The following HEATR5B variants were observed in gnomAD, a reference collection of about 807,000 sequenced individuals.
The protein encoded by HEATR5B is HEAT repeat containing 5B.
Under a neutral mutation model 224.1 loss-of-function variants are expected in HEATR5B, and 156 were observed. The observed-to-expected ratio is 0.70, with a 90% CI of 0.61 to 0.80. The LOEUF is 0.80. Ranked by LOEUF, HEATR5B falls within the 30% of genes least tolerant of loss-of-function variation. HEATR5B has a pLI of 0.00. For synonymous variants in HEATR5B, 1,027 were observed against 893.0 expected (o/e 1.15, Z -2.68); for missense variants, 2,323 against 2,535.5 (o/e 0.92, Z 1.80).
At chr2:37,024,328 C>T (rs558163289) in intron 24 of HEATR5B, among the ~76,000 whole-genome samples, 19 of 152,246 alleles carry the variant, frequency 1.2e-4, no homozygotes, top group African/African-American at 2.9e-4. Flanking sequence ...CTCTATAGCA[C>T]GGTGACTATA....
chr2:37,056,843 T>A (rs1670941482), intron 15 of HEATR5B, among the ~76,000 whole-genome samples: 1 of 152,178 alleles, frequency 6.6e-6, no homozygotes, highest in South Asian at 2.1e-4. Context: ...GAAAACATAT[T>A]TACACCACCC....
Position 37,041,189 on chromosome 2 carries a change from T to C in HEATR5B, c.2800A>G (p.Thr934Ala), listed in dbSNP as rs763940006. ...AGAGCCAATAAAATGCTGACACTGG[T>C]CTTCAGATGTTGTCCTGAGCCTATT... is the stretch of plus-strand genomic sequence containing the variant. ...GGIGSGQHLK[T>A]SVSILLALAQ... Residue 934 changes from threonine to alanine, a missense_variant, in exon 19 of 36, where the codon ACC becomes GCC. Physicochemically the swap from Thr to Ala is moderately conservative, Grantham distance 58 (BLOSUM62 0). Coordinates refer to ENST00000233099, the MANE Select transcript of HEATR5B (RefSeq NM_019024.3). The C allele has an allele frequency of 1.2e-6, 2 of 1,614,094 alleles. No individual in the cohort carries two copies. The highest frequency in any genetic ancestry group is 2.2e-5 in the South Asian group (2 of 91,082).
intron 35 of HEATR5B, among the ~76,000 whole-genome samples, chr2:36,983,834 T>C (rs2148311759): frequency 6.6e-6 from 1 of 152,178 alleles, no homozygotes; most frequent in African/African-American, 2.4e-5. Flanking sequence ...GCTTGCTAAA[T>C]TGGAAGAGGT....
In HEATR5B at chr2:37,000,640, A is replaced by C. The variant is rs1459948185; in HGVS notation, c.5491T>G (p.Trp1831Gly). Residue 1831 changes from tryptophan to glycine, a missense_variant, in exon 33 of 36, where the codon TGG becomes GGG. Around this residue, in one of 12 missense-constraint regions of HEATR5B, gnomAD observed 844 missense variants for 812.9 expected, o/e 1.04. Coordinates refer to ENST00000233099, the MANE Select transcript of HEATR5B (RefSeq NM_019024.3). ...AGCGTGCTACGAATCAGAGCTGTCC[A>C]CTGTTTTTGAACGCCAGCCTCAGTT... ...AKTEAGVQKQ[W>G]TALIRSTLAC... is the part of the protein sequence containing the mutation. 11 of 1,614,084 alleles carry C rather than the reference A, an allele frequency of 6.8e-6. No homozygotes were observed. The highest frequency in any genetic ancestry group is 9.3e-6 in the Non-Finnish European group (11 of 1,180,034).
chr2:37,044,789 T>C (rs1284412065), intron 18 of HEATR5B, among the ~76,000 whole-genome samples: 1 of 152,230 alleles, frequency 6.6e-6, no homozygotes, highest in African/African-American at 2.4e-5. Context: ...GTTACACAGC[T>C]TGATATTGGT....
chr2:37,048,672 T>A (rs774121932), intron 18 of HEATR5B, among the ~76,000 whole-genome samples: 55 of 152,132 alleles, frequency 3.6e-4, no homozygotes, highest in Non-Finnish European at 5.4e-4. Flanking sequence ...TGGCAAATAT[T>A]TGGAAAGAGG....
intron 33 of HEATR5B, among the ~76,000 whole-genome samples, chr2:36,992,678 G>A (rs1035277039): frequency 3.3e-5 from 5 of 152,084 alleles, no homozygotes; most frequent in African/African-American, 1.2e-4. Context: ...CTTACTCAGA[G>A]TTGGCAATGC....
At chr2:37,015,102 C>T (rs1039440147) in intron 26 of HEATR5B, among the ~76,000 whole-genome samples, 2 of 151,984 alleles carry the variant, frequency 1.3e-5, no homozygotes, top group Non-Finnish European at 2.9e-5. Flanking sequence ...TAAAAACAGA[C>T]AAGGGAAAGA....
At chr2:37,021,624 C>T (rs1485753321) in intron 24 of HEATR5B, among the ~76,000 whole-genome samples, 1 of 152,068 alleles carries the variant, frequency 6.6e-6, no homozygotes, top group Non-Finnish European at 1.5e-5. Context: ...CGAAGTGGCT[C>T]AGCCTGTAAA....
intron 11 of HEATR5B, among the ~76,000 whole-genome samples, chr2:37,061,057 C>G (rs1224103326): frequency 6.6e-6 from 1 of 152,164 alleles, no homozygotes; most frequent in African/African-American, 2.4e-5. Flanking sequence ...TGGTGGATTG[C>G]ATATTATCAA....
At chr2:37,059,599 G>A (rs1671151685) in intron 12 of HEATR5B, among the ~76,000 whole-genome samples, 1 of 150,544 alleles carries the variant, frequency 6.6e-6, no homozygotes, top group Non-Finnish European at 1.5e-5. Context: ...GAGTAGCTGG[G>A]ACTACAGGCA....
At chr2:37,053,796 A>C (rs1175219441) in intron 16 of HEATR5B, among the ~76,000 whole-genome samples, 189 bp from the exon 17 acceptor site, 1 of 152,142 alleles carries the variant, frequency 6.6e-6, no homozygotes, top group Non-Finnish European at 1.5e-5. Flanking sequence ...ACATGCGGTT[A>C]TTAAATGGAA....
At chr2:37,024,568 T>A (rs1185911020) in intron 24 of HEATR5B, among the ~76,000 whole-genome samples, 2 of 152,282 alleles carry the variant, frequency 1.3e-5, no homozygotes, top group East Asian at 1.9e-4. Flanking sequence ...GTAATTATGT[T>A]ATATGTATTT....
intron 5 of HEATR5B, among the ~76,000 whole-genome samples, chr2:37,074,694 A>G (rs1228683652): frequency 1.3e-5 from 2 of 152,234 alleles, no homozygotes; most frequent in African/African-American, 4.8e-5. Flanking sequence ...AACACTCTCA[A>G]AAGTCAATAA....
chr2:37,008,942 G>A, intron 27 of HEATR5B, 94 bp from the exon 28 acceptor site: 1 of 851,594 alleles, frequency 1.2e-6, no homozygotes, highest in Non-Finnish European at 1.9e-6. Flanking sequence ...AATCATCAAA[G>A]ATAACTGGGT....
intron 6 of HEATR5B, among the ~76,000 whole-genome samples, chr2:37,071,392 T>G (rs1039037972): frequency 6.6e-6 from 1 of 151,976 alleles, no homozygotes; most frequent in African/African-American, 2.4e-5. Flanking sequence ...AAAGCAAGAG[T>G]AATTTGAAAA....
chr2:37,067,841 C>T (rs1279911826), intron 8 of HEATR5B, among the ~76,000 whole-genome samples: 2 of 152,042 alleles, frequency 1.3e-5, no homozygotes, highest in Admixed American at 6.6e-5. Flanking sequence ...ACAAAAACTA[C>T]AACTATTTAT....
At chr2:37,012,187 C>T (rs190299560) in intron 27 of HEATR5B, among the ~76,000 whole-genome samples, 120 of 152,184 alleles carry the variant, frequency 7.9e-4, no homozygotes, top group Non-Finnish European at 1.5e-3. Context: ...CAGTTTTTTA[C>T]CTAATGTGTG....
Position 37,008,639 on chromosome 2 carries a change from G to T in HEATR5B, c.4494C>A (p.Ala1498=). 2 of 1,613,636 alleles carry T rather than the reference G, an allele frequency of 1.2e-6. No individual in the cohort carries two copies. The highest frequency in any genetic ancestry group is 1.7e-6 in the Non-Finnish European group (2 of 1,179,586). The change falls in exon 28 of 36, where the codon GCC becomes GCA. Residue 1498 remains alanine (A), a synonymous_variant. Coordinates refer to ENST00000233099, the MANE Select transcript of HEATR5B (RefSeq NM_019024.3). ...LKDYALLTLP[A]EFSSQLPPDG... ...CTGGAGGAAGCTGACTAGAAAATTC[G>T]GCTGGTAAAGTCAAGAGTGCATAAT...
Sources: allele counts gnomAD v4.1 joint callset (sites outside exome capture counted in the v4.1 genomes callset), GRCh38; gene constraint gnomAD v4.1.1; regional missense constraint gnomAD v4.1.1; transcripts MANE v1.5; gene names NCBI Gene and HGNC (gene_info 2026-07-23, HGNC 2026-07-21).